Variants in PXDNL observed in about 807,000 individuals in gnomAD.
PXDNL encodes peroxidasin like.
Under a neutral mutation model 150.8 loss-of-function variants are expected in PXDNL, and 145 were observed. The observed-to-expected ratio is 0.96, with a 90% CI of 0.84 to 1.10. PXDNL has a LOEUF of 1.10. Among genes scored for constraint, PXDNL ranks in the 50% least tolerant of loss-of-function variants. The probability of loss-of-function intolerance (pLI) is 0.00; values close to 1 mark genes in which losing one functional copy is unlikely to be tolerated. For synonymous variants in PXDNL, 757 were observed against 725.7 expected (o/e 1.04, Z -0.69); for missense variants, 2,087 against 1,873.9 (o/e 1.11, Z -2.10).
At chr8:51,538,086 C>G (rs972784013) in intron 4 of PXDNL, among the ~76,000 whole-genome samples, 1 of 152,150 alleles carries the variant, frequency 6.6e-6, no homozygotes, top group Non-Finnish European at 1.5e-5. Flanking sequence ...TACAAATAGA[C>G]GTTTACTGAT....
intron 1 of PXDNL, among the ~76,000 whole-genome samples, chr8:51,729,867 A>G (rs959255530): frequency 2.0e-5 from 3 of 152,236 alleles, no homozygotes; most frequent in African/African-American, 7.2e-5. Context: ...ACTAAGTGAA[A>G]GAAGCCAATC....
intron 2 of PXDNL, among the ~76,000 whole-genome samples, chr8:51,616,104 T>C (rs367951032): frequency 6.6e-6 from 1 of 152,218 alleles, no homozygotes; most frequent in East Asian, 1.9e-4. Context: ...ATGCCTGAGA[T>C]GGACTAGCCT....
chr8:51,353,403 C>T (rs1806410645), intron 19 of PXDNL, among the ~76,000 whole-genome samples: 1 of 151,612 alleles, frequency 6.6e-6, no homozygotes, highest in African/African-American at 2.4e-5. Context: ...AATAAAACTA[C>T]AAGTTTGTTT....
chr8:51,470,305 G>A (rs1236280578), intron 8 of PXDNL, among the ~76,000 whole-genome samples: 1 of 151,904 alleles, frequency 6.6e-6, no homozygotes, highest in Admixed American at 6.6e-5. Flanking sequence ...ACACTTACTA[G>A]ACTTTTTACA....
chr8:51,455,392 A>G (rs1305383173), intron 9 of PXDNL, among the ~76,000 whole-genome samples: 2 of 152,130 alleles, frequency 1.3e-5, no homozygotes, highest in African/African-American at 4.8e-5. Context: ...GTAAAGATTT[A>G]CATGTGAAGA....
intron 1 of PXDNL, among the ~76,000 whole-genome samples, chr8:51,677,434 T>TA (rs1815648924): frequency 6.6e-6 from 1 of 152,194 alleles, no homozygotes; most frequent in Admixed American, 6.5e-5. Flanking sequence ...ATAACCTAGT[T>TA]AAAACCTAAA....
At chr8:51,773,601 A>G (rs1483806107) in intron 1 of PXDNL, among the ~76,000 whole-genome samples, 1 of 152,254 alleles carries the variant, frequency 6.6e-6, no homozygotes, top group East Asian at 1.9e-4. Flanking sequence ...ATCTCAGGAA[A>G]CAAGAAGGGC....
intron 1 of PXDNL, among the ~76,000 whole-genome samples, chr8:51,728,934 GGTAT>G (rs1472602948): frequency 6.6e-6 from 1 of 152,086 alleles, no homozygotes; most frequent in Non-Finnish European, 1.5e-5. Flanking sequence ...CTCCATTCAT[GGTAT>G]GTGCCCTACA....
rs545052494 is a variant in PXDNL, at chr8:51,468,028, A to G, written c.812+4159T>C. On this transcript the variant is annotated intron_variant, in intron 8 of 22. Transcript: ENST00000356297. ...AAACTTGTTTAAATTGTAATAAAAG[A>G]AAGGGATTTTTATGAAATTGATTCT... is the stretch of plus-strand genomic sequence containing the variant. Among the ~76,000 whole-genome samples, 47 of 152,180 alleles carry G rather than the reference A, an allele frequency of 3.1e-4. 1 individual carries two copies. The highest frequency in any genetic ancestry group is 1.1e-3 in the African/African-American group (46 of 41,570).
chr8:51,363,742 A>T (rs1361737948), intron 19 of PXDNL, among the ~76,000 whole-genome samples: 1 of 151,742 alleles, frequency 6.6e-6, no homozygotes, highest in Admixed American at 6.6e-5. Context: ...TGGGCATAAG[A>T]TAATATGAGG....
chr8:51,521,071 T>C (rs72638046), intron 4 of PXDNL, among the ~76,000 whole-genome samples: 3,831 of 152,024 alleles, frequency 0.025, 64 homozygotes, highest in Non-Finnish European at 0.039. Context: ...ATGACCCCGT[T>C]TCTGCAAAAA....
intron 1 of PXDNL, among the ~76,000 whole-genome samples, chr8:51,681,638 C>T (rs1815752195): frequency 1.3e-5 from 2 of 152,256 alleles, no homozygotes; most frequent in African/African-American, 4.8e-5. Flanking sequence ...AAATGTCCAG[C>T]ATATGGCCAC....
intron 3 of PXDNL, among the ~76,000 whole-genome samples, chr8:51,575,143 TAAGAG>T (rs1477173336): frequency 6.6e-6 from 1 of 151,888 alleles, no homozygotes; most frequent in East Asian, 1.9e-4. Flanking sequence ...TAAAGGGACT[TAAGAG>T]GAGGAAAGAT....
At chr8:51,496,247 T>C (rs921755481) in intron 5 of PXDNL, among the ~76,000 whole-genome samples, 2 of 152,146 alleles carry the variant, frequency 1.3e-5, no homozygotes, top group Non-Finnish European at 2.9e-5. Context: ...TGCTAAAAAC[T>C]CTCAATAAAT....
chr8:51,404,155 G>C (rs1446333955), intron 17 of PXDNL, among the ~76,000 whole-genome samples: 4 of 152,206 alleles, frequency 2.6e-5, no homozygotes, highest in African/African-American at 7.2e-5. Flanking sequence ...AGCTCATAAA[G>C]GCAGTGTGAA....
At chr8:51,520,997 C>A (rs946548023) in intron 4 of PXDNL, among the ~76,000 whole-genome samples, 2 of 152,010 alleles carry the variant, frequency 1.3e-5, no homozygotes, top group African/African-American at 2.4e-5. Context: ...TGGGAGGAGG[C>A]GGAGTTGGGA....
At chr8:51,518,219 C>T (rs371099238) in intron 4 of PXDNL, among the ~76,000 whole-genome samples, 13 of 152,282 alleles carry the variant, frequency 8.5e-5, no homozygotes, top group Admixed American at 2.0e-4. Flanking sequence ...AACCCACAGA[C>T]GGATTCCAAT....
intron 1 of PXDNL, among the ~76,000 whole-genome samples, chr8:51,734,876 T>C (rs769591360): frequency 1.3e-5 from 2 of 152,156 alleles, no homozygotes; most frequent in Non-Finnish European, 2.9e-5. Context: ...GTTTAAAACA[T>C]TGAATTGAAA....
At chr8:51,594,025 C>A (rs1813507367) in intron 2 of PXDNL, among the ~76,000 whole-genome samples, 1 of 152,206 alleles carries the variant, frequency 6.6e-6, no homozygotes, top group African/African-American at 2.4e-5. Context: ...TGTTTAGGCA[C>A]TCTCCCATTC....
Sources: gnomAD v4.1 joint callset for allele counts (sites outside exome capture counted in the v4.1 genomes callset) on GRCh38, gnomAD v4.1.1 for gene constraint, MANE v1.5 for transcripts, NCBI Gene and HGNC (gene_info 2026-07-23, HGNC 2026-07-21) for gene names.